The following SLC15A4 variants were observed in gnomAD, a reference collection of about 807,000 sequenced individuals.
The protein encoded by SLC15A4 is hPHT1.
A neutral mutation model predicts 46.1 loss-of-function variants in SLC15A4; 26 were observed. That is an observed-to-expected ratio of 0.56 (90% CI 0.41 to 0.78). The LOEUF (loss-of-function observed/expected upper bound fraction) is 0.78. Ranked by LOEUF, SLC15A4 falls within the 30% of genes least tolerant of loss-of-function variation. The pLI, the probability that SLC15A4 is intolerant of heterozygous loss-of-function variation, is 0.00. For synonymous variants in SLC15A4, 370 were observed against 333.4 expected (o/e 1.11, Z -1.20); for missense variants, 751 against 755.7 (o/e 0.99, Z 0.07).
Position 128,823,556 on chromosome 12 carries a change from C to A in SLC15A4, c.388G>T (p.Ala130Ser). Residue 130 changes from alanine to serine, a missense_variant, in exon 1 of 8, where the codon GCC (alanine) becomes TCC (serine). Coordinates refer to ENST00000266771, the MANE Select transcript of SLC15A4 (RefSeq NM_145648.4). The stretch of plus-strand genomic sequence containing the variant: ...AGGCGCGCGGAACCGCAGAGCGCGG[C>A]TCGCGTGGCGGGCGCGGCCAGCAGC... The part of the protein sequence containing the change: ...FPLLAAPATR[A>S]ALCGSARLLN... The A allele has an allele frequency of 6.9e-7, 1 of 1,445,948 alleles. No homozygotes were observed. The allele number at this position is 1,445,948 out of a possible 1,614,324, so 89.6% of individuals were successfully genotyped here. A position where few individuals can be genotyped will look rare whatever the true frequency, so the allele number is the denominator to read the frequency against.
intron 5 of SLC15A4, among the ~76,000 whole-genome samples, chr12:128,802,820 G>A (rs1219001393): frequency 6.6e-6 from 1 of 152,188 alleles, no homozygotes; most frequent in African/African-American, 2.4e-5. Flanking sequence ...AAGAGAAAAT[G>A]AGAAAATAAA....
chr12:128,815,409 G>A (rs546258723), intron 1 of SLC15A4: 6 of 255,674 alleles, frequency 2.3e-5, no homozygotes, highest in Admixed American at 2.0e-4. Context: ...GAGTCCGCTG[G>A]GCATGGTGGC....
At position 128,793,816 on chromosome 12, in the gene SLC15A4, G is replaced by C. The variant is rs1257808304; in HGVS notation, c.*380C>G. 8 of 164,972 alleles carry C rather than the reference G, an allele frequency of 4.8e-5. No homozygotes were observed. Among genetic ancestry groups the C allele is most frequent in the South Asian group, 2.0e-4 (1 of 4,948 alleles). The allele number at this position is 164,972 out of a possible 1,614,324, so 10.2% of individuals were successfully genotyped here. A position where few individuals can be genotyped will look rare whatever the true frequency, so the allele number is the denominator to read the frequency against. ...TTTTTACAGTGAGATATGGCTATGG[G>C]AAGCAGGTGATACTATTTGTTTAAG... On this transcript the variant is annotated 3_prime_UTR_variant, in exon 8 of 8. Coordinates refer to ENST00000266771, the MANE Select transcript of SLC15A4 (RefSeq NM_145648.4).
chr12:128,803,163 GTATC>G (rs1195483406), intron 5 of SLC15A4, among the ~76,000 whole-genome samples: 1 of 152,140 alleles, frequency 6.6e-6, no homozygotes, highest in African/African-American at 2.4e-5. Flanking sequence ...TCATCCACTT[GTATC>G]AGTTCAAAAA....
intron 5 of SLC15A4, among the ~76,000 whole-genome samples, chr12:128,806,563 C>T (rs1277620401): frequency 6.6e-6 from 1 of 152,110 alleles, no homozygotes; most frequent in Non-Finnish European, 1.5e-5. Flanking sequence ...AGGAATGAAA[C>T]CTCATCAAAC....
In SLC15A4 at chr12:128,809,961, G is replaced by A. The variant is rs1307092064; in HGVS notation, c.993C>T (p.Tyr331=). 2 of 1,613,914 alleles carry A rather than the reference G, an allele frequency of 1.2e-6. No individual in the cohort carries two copies. Among genetic ancestry groups the A allele is most frequent in the African/African-American group, 1.3e-5 (1 of 74,930 alleles). Reference sequence around the variant, plus strand: ...CACTCACTTGGAAATACACTGTCCAGTAAGGTATCAAAGCCAAGAAAACAG... The same window carrying A: ...CACTCACTTGGAAATACACTGTCCAATAAGGTATCAAAGCCAAGAAAACAG... ...IVPVFLALIP[Y]WTVYFQMQTT... The change falls in exon 3 of 8, where the codon TAC becomes TAT. Residue 331 remains tyrosine, a synonymous_variant. Coordinates refer to ENST00000266771, the MANE Select transcript of SLC15A4 (RefSeq NM_145648.4).
Position 128,809,397 on chromosome 12 carries a change from G to C in SLC15A4, c.1088C>G (p.Thr363Arg), listed in dbSNP as rs142880588. ...TCAGATCATTACAATTGTTCTTACC[G>C]TGTGAGGAGTGGTTGTAATATTTGA... ...EISNITTTPH[T>R]LPAAWLTMFD... is the part of the protein sequence containing the mutation. Residue 363 changes from threonine (T) to arginine (R), a missense_variant and splice_region_variant, in exon 4 of 8, where the codon ACG (threonine) becomes AGG (arginine). By Grantham distance (71) the Thr-to-Arg change is moderately conservative (BLOSUM62 -1). Coordinates refer to ENST00000266771, the MANE Select transcript of SLC15A4 (RefSeq NM_145648.4). 6.3e-7 allele frequency: 1 copy of C among 1,585,116 alleles called. No individual in the cohort carries two copies. The highest frequency in any genetic ancestry group is 1.1e-5 in the South Asian group (1 of 89,432).
chr12:128,808,887 GT>G lies in SLC15A4; in HGVS notation c.1158del (p.Lys386AsnfsTer7). 6.2e-7 allele frequency: 1 copy of G among 1,614,198 alleles called. No homozygotes were observed. Among genetic ancestry groups the G allele is most frequent in the Non-Finnish European group, 8.5e-7 (1 of 1,180,002 alleles). On this transcript the variant is annotated frameshift_variant, in exon 5 of 8. Transcript: ENST00000266771. LOFTEE classifies it high-confidence loss of function. ...TGTCTTCTCAAAATGGGATCGACCA[GT>G]TTGTCCTTCAGAGGGATGAGCAGGA... Reference protein sequence around the residue: ...LILLLIPLKDKLVDPILRRHG... With the variant: ...LILLLIPLKDXLVDPILRRHG...
chr12:128,812,083 C>T lies in SLC15A4; in HGVS notation c.843-1972G>A, dbSNP rs57591256. On this transcript the variant is annotated intron_variant, in intron 2 of 7. Coordinates refer to ENST00000266771, the MANE Select transcript of SLC15A4 (RefSeq NM_145648.4). ...CAGGAAAAGAGTCCACTGGTTCTCA[C>T]GGATTCCCAAAGAAGTATGTATCTC... Among the ~76,000 whole-genome samples, 897 of 152,278 alleles carry T rather than the reference C, an allele frequency of 5.9e-3. 10 individuals are homozygous for T. The highest frequency in any genetic ancestry group is 0.02 in the African/African-American group (839 of 41,550).
chr12:128,798,184 C>T (rs1955469222), intron 7 of SLC15A4, among the ~76,000 whole-genome samples: 2 of 152,254 alleles, frequency 1.3e-5, no homozygotes, highest in Admixed American at 1.3e-4. Flanking sequence ...GAATCTTCGT[C>T]TTCAGAACTA....
chr12:128,821,786 C>A (rs1445554330), intron 1 of SLC15A4, among the ~76,000 whole-genome samples: 3 of 150,764 alleles, frequency 2.0e-5, no homozygotes, highest in African/African-American at 7.3e-5. Flanking sequence ...CTCAGGAGGC[C>A]GAGGCAGGAG....
At chr12:128,816,760 A>G (rs2135721359) in intron 1 of SLC15A4, among the ~76,000 whole-genome samples, 1 of 152,254 alleles carries the variant, frequency 6.6e-6, no homozygotes, top group South Asian at 2.1e-4. Flanking sequence ...TGAACTGGGG[A>G]GGAGGTGGCA....
rs1448564927 is a variant in SLC15A4 at position 128,799,246 on chromosome 12, T to C, written c.1573+13A>G. On this transcript the variant is annotated intron_variant, in intron 7 of 7. Coordinates refer to ENST00000266771, the MANE Select transcript of SLC15A4 (RefSeq NM_145648.4). ...CTGGCTATTTTCAAAAGGGACAGGATGCTGGCTCTTACCAAAGTCTGTGTG... is the reference window on the plus strand; with the variant it reads ...CTGGCTATTTTCAAAAGGGACAGGACGCTGGCTCTTACCAAAGTCTGTGTG... 1.2e-6 allele frequency: 2 copies of C among 1,614,072 alleles called. No homozygotes were observed. Among genetic ancestry groups the C allele is most frequent in the South Asian group, 1.1e-5 (1 of 91,082 alleles).
At chr12:128,804,940 G>A (rs964112006) in intron 5 of SLC15A4, among the ~76,000 whole-genome samples, 18 of 152,152 alleles carry the variant, frequency 1.2e-4, no homozygotes, top group African/African-American at 3.4e-4. Flanking sequence ...AACCGCAGAC[G>A]AAGGCCGATT....
At chr12:128,807,229 C>T (rs375541379) in intron 5 of SLC15A4, among the ~76,000 whole-genome samples, 135 of 152,144 alleles carry the variant, frequency 8.9e-4, no homozygotes, top group African/African-American at 3.1e-3. Flanking sequence ...ACAGAACTGA[C>T]GGAGTGCAAT....
At chr12:128,800,146 T>C (rs954593525) in intron 6 of SLC15A4, among the ~76,000 whole-genome samples, 2 of 152,152 alleles carry the variant, frequency 1.3e-5, no homozygotes, top group Non-Finnish European at 2.9e-5. Flanking sequence ...ACAAGGGCAA[T>C]AGACTTCAAA....
At chr12:128,801,285 A>G in intron 5 of SLC15A4, 1 of 284,384 alleles carries the variant, frequency 3.5e-6, no homozygotes, top group South Asian at 6.4e-5. Flanking sequence ...TTTAATCCTC[A>G]AATATCTGGA....
chr12:128,812,825 T>C (rs1955678751), intron 2 of SLC15A4, among the ~76,000 whole-genome samples: 1 of 152,198 alleles, frequency 6.6e-6, no homozygotes, highest in Non-Finnish European at 1.5e-5. Flanking sequence ...CAGAGCCAGT[T>C]CATACAAACA....
At chr12:128,803,997 T>A (rs1593006714) in intron 5 of SLC15A4, among the ~76,000 whole-genome samples, 1 of 152,136 alleles carries the variant, frequency 6.6e-6, no homozygotes, top group Admixed American at 6.5e-5. Context: ...CATGCACTCA[T>A]CCCCATGGCC....
Sources: gnomAD v4.1 joint callset for allele counts (sites outside exome capture counted in the v4.1 genomes callset) on GRCh38, gnomAD v4.1.1 for gene constraint, MANE v1.5 for transcripts, NCBI Gene and HGNC (gene_info 2026-07-23, HGNC 2026-07-21) for gene names.